The following PTPRN2 variants were observed in gnomAD, a reference collection of about 807,000 sequenced individuals.
PTPRN2 encodes receptor-type tyrosine-protein phosphatase N2.
A neutral mutation model predicts 118.8 loss-of-function variants in PTPRN2; 74 were observed. The ratio of observed to expected loss-of-function variants is 0.62; its 90% CI spans 0.52 to 0.76. PTPRN2 has a LOEUF of 0.76. PTPRN2 is among the 30% of genes least tolerant of loss of function. The probability of loss-of-function intolerance (pLI) is 0.00; values close to 1 mark genes in which losing one functional copy is unlikely to be tolerated. For missense variants in PTPRN2, 1,481 were observed against 1,394.4 expected (o/e 1.06, Z -0.99); for synonymous variants, 641 against 608.0 (o/e 1.05, Z -0.80).
chr7:157,858,043 C>T (rs998237815), intron 12 of PTPRN2, among the ~76,000 whole-genome samples: 4 of 151,244 alleles, frequency 2.6e-5, no homozygotes, highest in Non-Finnish European at 5.9e-5. Flanking sequence ...TCTGAGTCAG[C>T]CCCCCAGCTA....
At chr7:157,652,333 G>A (rs1805717400) in intron 14 of PTPRN2, among the ~76,000 whole-genome samples, 1 of 152,180 alleles carries the variant, frequency 6.6e-6, no homozygotes, top group African/African-American at 2.4e-5. Flanking sequence ...TGCTCACCCG[G>A]TTTTACCCTC....
chr7:158,190,385 T>C (rs1008427552), intron 5 of PTPRN2, among the ~76,000 whole-genome samples: 1 of 152,186 alleles, frequency 6.6e-6, no homozygotes, highest in African/African-American at 2.4e-5. Flanking sequence ...AAACTTTAAA[T>C]TTAGCCTGTT....
intron 3 of PTPRN2, among the ~76,000 whole-genome samples, chr7:158,279,861 G>A (rs945873115): frequency 3.3e-5 from 5 of 152,118 alleles, no homozygotes; most frequent in Non-Finnish European, 7.4e-5. Flanking sequence ...CAGAGTGAGC[G>A]AGGGCTGCTA....
At chr7:158,261,827 T>G (rs1382320396) in intron 3 of PTPRN2, among the ~76,000 whole-genome samples, 10 of 152,226 alleles carry the variant, frequency 6.6e-5, no homozygotes, top group Non-Finnish European at 1.5e-5. Context: ...AGGAAACCTG[T>G]GTCTGTTGCA....
At chr7:157,802,504 T>A (rs1805378400) in intron 12 of PTPRN2, among the ~76,000 whole-genome samples, 1 of 152,252 alleles carries the variant, frequency 6.6e-6, no homozygotes, top group Non-Finnish European at 1.5e-5. Flanking sequence ...TGCTTCCATG[T>A]CTTGGCTCCT....
intron 9 of PTPRN2, among the ~76,000 whole-genome samples, chr7:158,132,755 C>T (rs546378817): frequency 3.0e-4 from 45 of 151,490 alleles, no homozygotes; most frequent in Admixed American, 6.6e-4. Context: ...TATACACACA[C>T]GCACATACAC....
chr7:158,135,967 G>A (rs1367779423), intron 8 of PTPRN2, among the ~76,000 whole-genome samples: 1 of 152,208 alleles, frequency 6.6e-6, no homozygotes, highest in Non-Finnish European at 1.5e-5. Flanking sequence ...GGTTCTTAAA[G>A]GGAGAGAAAC....
intron 15 of PTPRN2, among the ~76,000 whole-genome samples, chr7:157,620,509 G>A (rs1229515202): frequency 1.3e-5 from 2 of 152,182 alleles, no homozygotes; most frequent in African/African-American, 2.4e-5. Flanking sequence ...TGCCTGCGAC[G>A]TACCGGTGCT....
At chr7:157,724,076 G>A (rs113910214) in intron 12 of PTPRN2, among the ~76,000 whole-genome samples, 5 of 150,938 alleles carry the variant, frequency 3.3e-5, no homozygotes, top group African/African-American at 9.8e-5. Context: ...GGCTTCCCCC[G>A]TCTGAAGTGT....
intron 11 of PTPRN2, among the ~76,000 whole-genome samples, chr7:158,077,632 A>G (rs1489511510): frequency 6.6e-6 from 1 of 151,690 alleles, no homozygotes; most frequent in Admixed American, 6.6e-5. Context: ...TGTTTGAAGA[A>G]ACAGCCTGAA....
At chr7:157,976,696 G>A (rs1321978796) in intron 11 of PTPRN2, among the ~76,000 whole-genome samples, 1 of 151,860 alleles carries the variant, frequency 6.6e-6, no homozygotes, top group African/African-American at 2.4e-5. Flanking sequence ...GTGGACTTGT[G>A]CCGCAGATTG....
At chr7:157,951,308 T>TA (rs1045880897) in intron 11 of PTPRN2, among the ~76,000 whole-genome samples, 31 of 151,438 alleles carry the variant, frequency 2.0e-4, no homozygotes, top group Admixed American at 1.3e-3. Flanking sequence ...ATTATTTGGT[T>TA]AAAAAAAAAG....
At chr7:157,720,058 G>A (rs9654699) in intron 12 of PTPRN2, among the ~76,000 whole-genome samples, 116,933 of 152,146 alleles carry the variant, frequency 0.77, 45,503 homozygotes, top group African/African-American at 0.89. Context: ...AAATAGAGAG[G>A]AAATTCCTTT....
intron 12 of PTPRN2, among the ~76,000 whole-genome samples, chr7:157,810,509 C>T (rs892729222): frequency 8.5e-5 from 12 of 141,570 alleles, no homozygotes; most frequent in African/African-American, 2.2e-4. Flanking sequence ...TCCATGGGGA[C>T]GGCGGGACTG....
At chr7:157,994,556 A>AAT (rs375512738) in intron 11 of PTPRN2, among the ~76,000 whole-genome samples, 1 of 112,868 alleles carries the variant, frequency 8.9e-6, no homozygotes, top group African/African-American at 4.5e-5. Flanking sequence ...TAAAATCAGC[A>AAT]CCGCGTCCCC....
chr7:157,589,058 C>T (rs1800838441), intron 17 of PTPRN2, among the ~76,000 whole-genome samples: 1 of 152,240 alleles, frequency 6.6e-6, no homozygotes. Context: ...CCACGCTCTT[C>T]AGAGCATTCT....
intron 1 of PTPRN2, among the ~76,000 whole-genome samples, chr7:158,521,417 C>G (rs1399942960): frequency 6.6e-6 from 1 of 152,226 alleles, no homozygotes; most frequent in Non-Finnish European, 1.5e-5. Context: ...CTCCCTGCAT[C>G]TAAATTTAAC....
intron 21 of PTPRN2, among the ~76,000 whole-genome samples, chr7:157,552,491 G>A (rs1281796000): frequency 2.0e-5 from 3 of 152,084 alleles, no homozygotes; most frequent in African/African-American, 7.2e-5. Flanking sequence ...GGACCACGTG[G>A]GGAGGGGATG....
In PTPRN2 at chr7:157,690,583, GGGA is replaced by G. The variant is rs1312579011; in HGVS notation, c.1789-7649_1789-7647del. On this transcript the variant is annotated intron_variant, in intron 12 of 22. Transcript: ENST00000389418. The surrounding 1 kb of genome is among the most constrained non-coding windows in gnomAD (Gnocchi z 7.1). ...CTGGGCCGGCGCCCAGCGCCCGCGC[GGGA>G]GGAGGTGGGGGCGTGCGCCGGGCCG... is the stretch of plus-strand genomic sequence containing the variant. Among the ~76,000 whole-genome samples the G allele has an allele frequency of 6.6e-6, 1 of 151,732 alleles. No homozygotes were observed. Among genetic ancestry groups the G allele is most frequent in the Admixed American group, 6.6e-5 (1 of 15,244 alleles).
Sources: allele counts gnomAD v4.1 joint callset (sites outside exome capture counted in the v4.1 genomes callset), GRCh38; gene constraint gnomAD v4.1.1; non-coding constraint Gnocchi (gnomAD v3.1); transcripts MANE v1.5; gene names NCBI Gene and HGNC (gene_info 2026-07-23, HGNC 2026-07-21).